The following CADM2 variants were observed in gnomAD, a reference collection of about 807,000 sequenced individuals.
CADM2 encodes immunoglobulin superfamily member 4D.
In CADM2, 12 loss-of-function variants were observed where a neutral mutation model predicts 49.8. The ratio of observed to expected loss-of-function variants is 0.24; its 90% confidence interval spans 0.15 to 0.39. CADM2 has a LOEUF of 0.39. Ranked by LOEUF, CADM2 falls within the 10% of genes least tolerant of loss-of-function variation. The probability of loss-of-function intolerance (pLI) is 1.00; values close to 1 mark genes in which losing one functional copy is unlikely to be tolerated. For missense variants in CADM2, 378 were observed against 492.3 expected (o/e 0.77, Z 2.20); for synonymous variants, 214 against 175.4 (o/e 1.22, Z -1.74).
intron 7 of CADM2, among the ~76,000 whole-genome samples, chr3:85,957,235 A>T (rs772983659): frequency 4.6e-5 from 7 of 151,716 alleles, no homozygotes; most frequent in Non-Finnish European, 8.8e-5. Context: ...GCATGTTGAG[A>T]ACTATTAATA....
At chr3:85,401,042 G>A (rs150203527) in intron 1 of CADM2, among the ~76,000 whole-genome samples, 6 of 152,208 alleles carry the variant, frequency 3.9e-5, no homozygotes, top group African/African-American at 1.2e-4. Flanking sequence ...TATGAACTTC[G>A]ACATGATGAT....
chr3:85,335,762 A>G (rs1322568444), intron 1 of CADM2, among the ~76,000 whole-genome samples: 1 of 151,540 alleles, frequency 6.6e-6, no homozygotes, highest in African/African-American at 2.4e-5. Context: ...ATTTCTGCCA[A>G]GATGTAATTC....
At chr3:85,295,978 A>T (rs922076407) in intron 1 of CADM2, among the ~76,000 whole-genome samples, 1 of 152,166 alleles carries the variant, frequency 6.6e-6, no homozygotes, top group Non-Finnish European at 1.5e-5. Flanking sequence ...CCTAGTATAT[A>T]AAAATTTTTA....
intron 1 of CADM2, among the ~76,000 whole-genome samples, chr3:85,318,578 C>T (rs1404807287): frequency 6.6e-6 from 1 of 152,102 alleles, no homozygotes; most frequent in African/African-American, 2.4e-5. Flanking sequence ...ACTAATAGTA[C>T]ATTTCTTATC....
intron 7 of CADM2, among the ~76,000 whole-genome samples, chr3:85,946,428 A>G (rs1722704056): frequency 6.6e-6 from 1 of 152,040 alleles, no homozygotes; most frequent in African/African-American, 2.4e-5. Flanking sequence ...GGAAAAAACT[A>G]CTTTAAAGTT....
At chr3:85,539,159 G>T (rs2061486642) in intron 1 of CADM2, among the ~76,000 whole-genome samples, 2 of 150,594 alleles carry the variant, frequency 1.3e-5, no homozygotes, top group South Asian at 4.2e-4. Context: ...ACAGCTGTAT[G>T]AGATTCTTCC....
chr3:85,788,118 T>C (rs2071104726), intron 2 of CADM2, among the ~76,000 whole-genome samples: 1 of 152,126 alleles, frequency 6.6e-6, no homozygotes, highest in Non-Finnish European at 1.5e-5. Flanking sequence ...GAATCATTTC[T>C]AGCTGTTCAC....
chr3:85,261,101 CA>C (rs1451117495), intron 1 of CADM2, among the ~76,000 whole-genome samples: 6 of 151,940 alleles, frequency 3.9e-5, no homozygotes, highest in African/African-American at 1.5e-4. Context: ...TCTTTCTCAA[CA>C]GACATGTTTT....
At chr3:85,356,618 C>A (rs982883179) in intron 1 of CADM2, among the ~76,000 whole-genome samples, 1 of 152,054 alleles carries the variant, frequency 6.6e-6, no homozygotes, top group African/African-American at 2.4e-5. Flanking sequence ...AAGAGAAACA[C>A]GTACATAATA....
intron 1 of CADM2, among the ~76,000 whole-genome samples, chr3:85,625,573 A>T (rs2064102330): frequency 2.0e-5 from 3 of 152,066 alleles, no homozygotes; most frequent in African/African-American, 7.2e-5. Context: ...TGAGCAGTTT[A>T]AATGCACACC....
intron 1 of CADM2, among the ~76,000 whole-genome samples, chr3:85,041,456 G>A (rs1444521420): frequency 6.6e-6 from 1 of 152,180 alleles, no homozygotes; most frequent in African/African-American, 2.4e-5. Flanking sequence ...GGAGTCCGAA[G>A]AGGAAACGGA....
At chr3:85,280,894 G>T (rs2043483472) in intron 1 of CADM2, among the ~76,000 whole-genome samples, 1 of 151,730 alleles carries the variant, frequency 6.6e-6, no homozygotes, top group African/African-American at 2.4e-5. Flanking sequence ...ATTTGAAAAT[G>T]CACTCCATAT....
intron 1 of CADM2, among the ~76,000 whole-genome samples, chr3:84,994,521 C>T (rs1212355037): frequency 1.3e-5 from 2 of 151,992 alleles, no homozygotes; most frequent in Admixed American, 6.6e-5. Flanking sequence ...GTAAAATTTC[C>T]TCAAAATTAT....
chr3:85,191,410 A>C (rs1226469415), intron 1 of CADM2, among the ~76,000 whole-genome samples: 1 of 152,146 alleles, frequency 6.6e-6, no homozygotes, highest in Admixed American at 6.6e-5. Flanking sequence ...ATGTCAGAGA[A>C]ATTTTTAAAG....
rs141043728 is a variant in CADM2, at chr3:85,824,105, G to A, written c.238+21909G>A. 7.3e-3 allele frequency among the ~76,000 whole-genome samples: 1,115 copies of A among 152,234 alleles called. 9 individuals carry two copies. The highest frequency in any genetic ancestry group is 0.031 in the South Asian group (150 of 4,828). On this transcript the variant is annotated intron_variant, in intron 3 of 9. Transcript: ENST00000383699. ...GTTTTTCACCCAATCAAAACGTACT[G>A]GAGAAATAGTGGATAGTTTATTTTA...
At chr3:85,691,730 G>C (rs2066393115) in intron 1 of CADM2, among the ~76,000 whole-genome samples, 1 of 152,110 alleles carries the variant, frequency 6.6e-6, no homozygotes, top group Non-Finnish European at 1.5e-5. Context: ...CAACCCAAAT[G>C]TCCAACAATG....
chr3:85,082,004 C>T (rs922901494), intron 1 of CADM2, among the ~76,000 whole-genome samples: 28 of 152,118 alleles, frequency 1.8e-4, no homozygotes, highest in African/African-American at 6.5e-4. Context: ...CATTTTCCTT[C>T]ACAAACCATT....
At chr3:85,879,476 A>G (rs1231277965) in intron 3 of CADM2, among the ~76,000 whole-genome samples, 1 of 152,072 alleles carries the variant, frequency 6.6e-6, no homozygotes, top group Non-Finnish European at 1.5e-5. Context: ...AATGATTTAG[A>G]ATTTTCCCAA....
intron 1 of CADM2, among the ~76,000 whole-genome samples, chr3:85,403,798 C>G (rs1171331653): frequency 6.6e-6 from 1 of 152,040 alleles, no homozygotes; most frequent in Non-Finnish European, 1.5e-5. Flanking sequence ...GCACAATATT[C>G]AAAGCTGTCA....
Sources: allele counts gnomAD v4.1 joint callset (sites outside exome capture counted in the v4.1 genomes callset), GRCh38; gene constraint gnomAD v4.1.1; transcripts MANE v1.5; gene names NCBI Gene and HGNC (gene_info 2026-07-23, HGNC 2026-07-21).